The following CFAP97 variants were observed in gnomAD, a reference collection of about 807,000 sequenced individuals.
CFAP97 encodes cilia- and flagella-associated protein 97.
Under a neutral mutation model 43.1 loss-of-function variants are expected in CFAP97, and 36 were observed. The ratio of observed to expected loss-of-function variants is 0.84; its 90% CI spans 0.64 to 1.10. The LOEUF (loss-of-function observed/expected upper bound fraction) is 1.10, where lower values mean the gene tolerates loss of function less well. Ranked by LOEUF, CFAP97 falls within the 50% of genes least tolerant of loss-of-function variation. CFAP97 has a pLI of 0.00. For missense variants in CFAP97, 657 were observed against 620.3 expected (o/e 1.06, Z -0.63); for synonymous variants, 228 against 225.7 (o/e 1.01, Z -0.09).
intron 2 of CFAP97, among the ~76,000 whole-genome samples, chr4:185,177,688 A>G (rs1735607467): frequency 6.6e-6 from 1 of 151,694 alleles, no homozygotes; most frequent in Non-Finnish European, 1.5e-5. Context: ...TACAAAAATT[A>G]GCTGGGCGTG....
At chr4:185,166,177 A>G (rs1332820937) in intron 3 of CFAP97, among the ~76,000 whole-genome samples, 1 of 152,198 alleles carries the variant, frequency 6.6e-6, no homozygotes. Context: ...TTTTATTTCA[A>G]CATGATTCCA....
intron 3 of CFAP97, among the ~76,000 whole-genome samples, chr4:185,165,576 G>C (rs1735036559): frequency 6.6e-6 from 1 of 152,164 alleles, no homozygotes; most frequent in Admixed American, 6.5e-5. Context: ...TTTCTCTGAA[G>C]GAAGCTGATC....
rs542631243 is a variant in CFAP97 at position 185,185,204 on chromosome 4, CTTT to C, written c.1054+4936_1054+4938del. The stretch of plus-strand genomic sequence containing the variant: ...AAATGAGTGCTGGCAGTGAGCTGTA[CTTT>C]TTTTTTTCTGAACAGGAAATGGGTT... On this transcript the variant is annotated intron_variant, in intron 2 of 4. Transcript: ENST00000458385. Among the ~76,000 whole-genome samples the C allele has an allele frequency of 2.7e-5, 4 of 149,600 alleles. No individual in the cohort carries two copies. The South Asian group carries it at 8.5e-4, about 32-fold the overall frequency.
chr4:185,198,647 G>A (rs946463906), intron 1 of CFAP97, among the ~76,000 whole-genome samples: 3 of 151,948 alleles, frequency 2.0e-5, no homozygotes, highest in African/African-American at 7.2e-5. Context: ...AAATTAGCCG[G>A]GTGTGGTGGC....
At chr4:185,201,384 C>T (rs1736822399) in intron 1 of CFAP97, among the ~76,000 whole-genome samples, 1 of 150,726 alleles carries the variant, frequency 6.6e-6, no homozygotes, top group Non-Finnish European at 1.5e-5. Context: ...GCATCACAAG[C>T]TACAGAAATC....
At chr4:185,182,497 T>C (rs1207426914) in intron 2 of CFAP97, 1 of 152,190 alleles carries the variant, frequency 6.6e-6, no homozygotes, top group East Asian at 1.9e-4. Flanking sequence ...TATGCAATGG[T>C]CTTCCCTTCT....
chr4:185,201,482 C>T (rs531811368), intron 1 of CFAP97, among the ~76,000 whole-genome samples: 51 of 152,312 alleles, frequency 3.3e-4, no homozygotes, highest in African/African-American at 1.1e-3. Context: ...CTTCAGCACT[C>T]AGCACCCTGA....
intron 4 of CFAP97, 81 bp downstream of exon 4, chr4:185,163,948 C>A: frequency 1.5e-6 from 2 of 1,311,650 alleles, no homozygotes; most frequent in Admixed American, 2.0e-5. Flanking sequence ...ATTTAAAACT[C>A]TATCATAATA....
At chr4:185,174,427 T>C (rs1324941533) in intron 3 of CFAP97, among the ~76,000 whole-genome samples, 1 of 152,200 alleles carries the variant, frequency 6.6e-6, no homozygotes, top group African/African-American at 2.4e-5. Context: ...TCAAGACTAC[T>C]ATTTTTTATA....
chr4:185,201,024 AAAG>A (rs1203149075), intron 1 of CFAP97, among the ~76,000 whole-genome samples: 1 of 152,196 alleles, frequency 6.6e-6, no homozygotes, highest in Non-Finnish European at 1.5e-5. Context: ...ACTATGTTTT[AAAG>A]AAGTTCTACT....
chr4:185,182,999 C>A (rs1158127895), intron 2 of CFAP97, among the ~76,000 whole-genome samples: 1 of 151,830 alleles, frequency 6.6e-6, no homozygotes, highest in Non-Finnish European at 1.5e-5. Flanking sequence ...ACTCGGGAGG[C>A]TGAGGCAGGA....
chr4:185,191,129 T>G lies in CFAP97; in HGVS notation c.68A>C (p.Glu23Ala), dbSNP rs770087610. 3.1e-6 allele frequency: 5 copies of G among 1,610,380 alleles called. No homozygotes were observed. The East Asian group carries it at 1.1e-4, about 36-fold the overall frequency. ...TGAGTTAGTTTCACATTTCTTTCCT[T>G]CTTCAAAGTCACTGTCAAAGAAAGA... ...DHSFFDSDFE[E>A]GKKCETNSVF... Residue 23 changes from glutamate (E) to alanine (A), a missense_variant, in exon 2 of 5, where the codon GAA (glutamate) becomes GCA (alanine). Coordinates refer to ENST00000458385, the MANE Select transcript of CFAP97 (RefSeq NM_020827.3).
At chr4:185,182,220 C>T (rs975730588) in intron 2 of CFAP97, 1 of 151,770 alleles carries the variant, frequency 6.6e-6, no homozygotes, top group Non-Finnish European at 1.5e-5. Context: ...CTCTCCAAAT[C>T]GGTGAGATTC....
rs1560851785 is a variant in CFAP97, at chr4:185,162,832, G to A, written c.1565C>T (p.Pro522Leu). 1 of 1,612,820 alleles carries A rather than the reference G, an allele frequency of 6.2e-7. No homozygotes were observed. Among genetic ancestry groups the A allele is most frequent in the Non-Finnish European group, 8.5e-7 (1 of 1,179,550 alleles). The change falls in exon 5 of 5, where the codon CCT (proline) becomes CTT (leucine). Residue 522 changes from proline to leucine, a missense_variant. By Grantham distance (98) the Pro-to-Leu change is moderately conservative. Transcript: ENST00000458385. ...AGCTGTACGGACATTAGGGGGTTTAGGTCTTCTTCGAGGGTGGCCACTGGA... is the reference window on the plus strand; with the variant it reads ...AGCTGTACGGACATTAGGGGGTTTAAGTCTTCTTCGAGGGTGGCCACTGGA... ...DPSSGHPRRRPKPPNVRTAWL is the reference protein window; with the variant it reads ...DPSSGHPRRRLKPPNVRTAWL
At chr4:185,179,103 A>T (rs912733930) in intron 2 of CFAP97, among the ~76,000 whole-genome samples, 6 of 151,806 alleles carry the variant, frequency 4.0e-5, no homozygotes, top group African/African-American at 1.5e-4. Flanking sequence ...CCTCATCCCT[A>T]GTCTTTCCCA....
intron 3 of CFAP97, among the ~76,000 whole-genome samples, chr4:185,173,076 C>A (rs1205640826): frequency 6.6e-6 from 1 of 151,948 alleles, no homozygotes; most frequent in Non-Finnish European, 1.5e-5. Context: ...GAAAAATAAT[C>A]AAAGTCAACG....
intron 1 of CFAP97, among the ~76,000 whole-genome samples, chr4:185,195,938 C>T (rs1405140147): frequency 6.6e-6 from 1 of 152,182 alleles, no homozygotes; most frequent in Admixed American, 6.5e-5. Context: ...TAATGGTGAG[C>T]ACTCTGGACT....
chr4:185,165,840 C>G (rs899873766), intron 3 of CFAP97, among the ~76,000 whole-genome samples: 1 of 152,178 alleles, frequency 6.6e-6, no homozygotes, highest in Non-Finnish European at 1.5e-5. Flanking sequence ...GTTTCACCCC[C>G]TGCCCTTCCA....
At chr4:185,189,112 CTG>C (rs1736124714) in intron 2 of CFAP97, among the ~76,000 whole-genome samples, 1 of 152,152 alleles carries the variant, frequency 6.6e-6, no homozygotes, top group Non-Finnish European at 1.5e-5. Flanking sequence ...TGGGGCATGA[CTG>C]TGGTCCTAGG....
Sources: gnomAD v4.1 joint callset for allele counts (sites outside exome capture counted in the v4.1 genomes callset) on GRCh38, gnomAD v4.1.1 for gene constraint, MANE v1.5 for transcripts, NCBI Gene and HGNC (gene_info 2026-07-23, HGNC 2026-07-21) for gene names.